The following ERCC1 variants were observed in gnomAD, a reference collection of about 807,000 sequenced individuals.
ERCC1 encodes the protein ERCC excision repair 1, endonuclease non-catalytic subunit, also known as DNA excision repair protein ERCC-1.
Under a neutral mutation model 37.6 loss-of-function variants are expected in ERCC1, and 36 were observed. That is an observed-to-expected ratio of 0.96 (90% CI 0.73 to 1.26). ERCC1 has a LOEUF of 1.26. Among genes scored for constraint, ERCC1 ranks in the 50% most tolerant of loss-of-function variants. The probability of loss-of-function intolerance (pLI) is 0.00; values close to 1 mark genes in which losing one functional copy is unlikely to be tolerated. For synonymous variants in ERCC1, 156 were observed against 162.1 expected, an observed-to-expected ratio of 0.96 and a Z score of 0.28; for missense variants, 349 against 376.5, an observed-to-expected ratio of 0.93 and a Z score of 0.60.
In ERCC1 at chr19:45,409,663, C is replaced by A; in HGVS notation, c.*12G>T. 7.7e-7 allele frequency: 1 copy of A among 1,299,540 alleles called. No homozygotes were observed. Among genetic ancestry groups the A allele is most frequent in the Non-Finnish European group, 1.1e-6 (1 of 893,884 alleles). 80.5% of individuals were successfully genotyped at this position (1,299,540 alleles called of 1,614,324 possible). A position where few individuals can be genotyped will look rare whatever the true frequency, so the allele number is the denominator to read the frequency against. On this transcript the variant is annotated 3_prime_UTR_variant, in exon 10 of 10. Transcript: ENST00000300853. ...ATTATTACACTGGGGGTTTCCTTGG[C>A]AGCTGGGGTCATCAGGGTACTTTCA...
chr19:45,421,300 G>C lies in ERCC1; in HGVS notation c.199C>G (p.Gln67Glu). 6.2e-7 allele frequency: 1 copy of C among 1,614,170 alleles called. No homozygotes were observed. Among genetic ancestry groups the C allele is most frequent in the South Asian group, 1.1e-5 (1 of 91,076 alleles). Reference protein sequence around the residue: ...PQTYAEYAISQPLEGAGATCP... With the variant: ...PQTYAEYAISEPLEGAGATCP... Reference sequence around the variant, plus strand: ...GTGGCCCCAGCCCCTTCCAGAGGCTGTGAGATGGCATATTCGGCGTAGGTC... The same window carrying C: ...GTGGCCCCAGCCCCTTCCAGAGGCTCTGAGATGGCATATTCGGCGTAGGTC... Residue 67 changes from glutamine (Q) to glutamate (E), a missense_variant, in exon 3 of 10, where the codon CAG becomes GAG. Physicochemically the swap from Gln to Glu is conservative, Grantham distance 29. Coordinates refer to ENST00000300853, the MANE Select transcript of ERCC1 (RefSeq NM_001983.4).
chr19:45,440,033 G>C (rs985674393), intron 1 of ERCC1, among the ~76,000 whole-genome samples: 2 of 152,098 alleles, frequency 1.3e-5, no homozygotes, highest in Admixed American at 1.3e-4. Context: ...CGCGCGGGGG[G>C]AGCGGTGCTG....
upstream of ERCC1, among the ~76,000 whole-genome samples, chr19:45,427,844 C>T (rs1378945465): frequency 2.6e-5 from 4 of 152,136 alleles, no homozygotes; most frequent in Non-Finnish European, 4.4e-5. Context: ...CGCCAGAACC[C>T]AGCGGGGGCA....
In ERCC1 at chr19:45,409,216, AG is replaced by A; in HGVS notation, c.*458del. ...TGCCGGATGACCTTGAGCCTCAGGCAGCTCCCACATCCACCAAGAAGAAGAA... is the reference window on the plus strand; with the variant it reads ...TGCCGGATGACCTTGAGCCTCAGGCACTCCCACATCCACCAAGAAGAAGAA... On this transcript the variant is annotated 3_prime_UTR_variant, in exon 10 of 10. Coordinates refer to ENST00000300853, the MANE Select transcript of ERCC1 (RefSeq NM_001983.4). 6.2e-7 allele frequency: 1 copy of A among 1,612,548 alleles called. No homozygotes were observed. The highest frequency in any genetic ancestry group is 8.5e-7 in the Non-Finnish European group (1 of 1,179,216).
chr19:45,411,338 C>T (rs1973724202), intron 9 of ERCC1, among the ~76,000 whole-genome samples: 1 of 95,798 alleles, frequency 1.0e-5, no homozygotes, highest in African/African-American at 1.1e-4. Flanking sequence ...CATGTGGAAC[C>T]TCAACTTTTC....
At chr19:45,438,216 C>T (rs1682702333) in intron 1 of ERCC1, among the ~76,000 whole-genome samples, 1 of 152,042 alleles carries the variant, frequency 6.6e-6, no homozygotes, top group African/African-American at 2.4e-5. Context: ...GGCCTCTCAT[C>T]TGATTTTTTT....
intron 1 of ERCC1, among the ~76,000 whole-genome samples, chr19:45,447,114 G>A (rs1966968111): frequency 6.6e-6 from 1 of 152,186 alleles, no homozygotes. Context: ...TCCCAGCCCA[G>A]CATCTGGCTC....
intron 7 of ERCC1, chr19:45,414,647 G>A (rs989456917): frequency 9.5e-6 from 5 of 523,682 alleles, no homozygotes; most frequent in Admixed American, 3.1e-5. Flanking sequence ...GCTTTCTCTC[G>A]GGGTACTGGG....
intron 1 of ERCC1, among the ~76,000 whole-genome samples, chr19:45,444,823 C>G (rs189523070): frequency 1.2e-4 from 18 of 152,294 alleles, no homozygotes; most frequent in Admixed American, 1.2e-3. Flanking sequence ...CTTTAGTCCT[C>G]AGGACCTTTG....
At chr19:45,410,565 T>TGTGTGTGTGTGTGTGTGTGTG (rs1973661594) in intron 9 of ERCC1, 10 of 140,722 alleles carry the variant, frequency 7.1e-5, no homozygotes, top group African/African-American at 2.5e-4. Flanking sequence ...CATTCTTTCT[T>TGTGTGTGTGTGTGTGTGTGTG]TGTGTGTGTG....
intron 1 of ERCC1, among the ~76,000 whole-genome samples, chr19:45,442,630 G>A (rs1177032152): frequency 2.0e-5 from 3 of 152,266 alleles, no homozygotes; most frequent in Admixed American, 1.3e-4. Context: ...GGTTCTGAAG[G>A]CTTTTCAAAG....
rs374741789 is a variant in ERCC1 at position 45,408,703 on chromosome 19, G to A, written c.*972C>T. 3.0e-5 allele frequency: 48 copies of A among 1,613,812 alleles called. No individual in the cohort carries two copies. Among genetic ancestry groups the A allele is most frequent in the Non-Finnish European group, 3.6e-5 (43 of 1,179,970 alleles). The stretch of plus-strand genomic sequence containing the variant: ...AGACACTGGAGCCTCTGGGAGTGCT[G>A]TTCCCGTCCACCACCAAGAAGAGGA... On this transcript the variant is annotated 3_prime_UTR_variant, in exon 10 of 10. Coordinates refer to ENST00000300853, the MANE Select transcript of ERCC1 (RefSeq NM_001983.4).
upstream of ERCC1, among the ~76,000 whole-genome samples, chr19:45,428,083 C>CTTTTTTTTTTTT (rs5828235): frequency 9.7e-4 from 113 of 115,980 alleles, 4 homozygotes; most frequent in African/African-American, 3.9e-3. Context: ...TTCTTTCTTT[C>CTTTTTTTTTTTT]TTTTTTTTTT....
intron 7 of ERCC1, 53 bp from the exon 8 acceptor site, chr19:45,414,087 G>A: frequency 6.9e-7 from 1 of 1,453,310 alleles, no homozygotes; most frequent in Non-Finnish European, 9.6e-7. Context: ...CAGCAAGACT[G>A]AGCCTAGGAG....
intron 1 of ERCC1, among the ~76,000 whole-genome samples, chr19:45,429,484 G>C (rs781554247): frequency 6.6e-6 from 1 of 151,796 alleles, no homozygotes; most frequent in Non-Finnish European, 1.5e-5. Flanking sequence ...AAGAAGGAAA[G>C]AAAAATAAAG....
Position 45,409,027 on chromosome 19 carries a change from G to A in ERCC1, c.*648C>T. 6.2e-7 allele frequency: 1 copy of A among 1,614,112 alleles called. No homozygotes were observed. Among genetic ancestry groups the A allele is most frequent in the Non-Finnish European group, 8.5e-7 (1 of 1,180,018 alleles). On this transcript the variant is annotated 3_prime_UTR_variant, in exon 10 of 10. Transcript: ENST00000300853. ...AGGCGATGGAGCCAGTGGAGCCGGA[G>A]ATGAAGCCTCTGGAGTCCCCAGGGG...
intron 4 of ERCC1, 121 bp from the exon 5 acceptor site, chr19:45,419,318 AGG>A (rs1185671959): frequency 1.8e-5 from 13 of 735,204 alleles, no homozygotes; most frequent in South Asian, 6.0e-5. Context: ...GAGGGTCCTG[AGG>A]CCCACAGAGG....
At chr19:45,413,015 A>C (rs564720062) in intron 9 of ERCC1, among the ~76,000 whole-genome samples, 1 of 152,300 alleles carries the variant, frequency 6.6e-6, no homozygotes, top group East Asian at 1.9e-4. Flanking sequence ...TGCTGGGATT[A>C]CAGGCCCAAG....
rs1328480603 is a variant in ERCC1, at chr19:45,408,596, G to T, written c.*1079C>A. ...GGCTTTGGGGTCGCCAGAAATGGAT[G>T]TGCGGAAGAAGAAGAAGAAAAAAAA... On this transcript the variant is annotated 3_prime_UTR_variant, in exon 10 of 10. Coordinates refer to ENST00000300853, the MANE Select transcript of ERCC1 (RefSeq NM_001983.4). The T allele has an allele frequency of 1.2e-6, 2 of 1,613,790 alleles. No individual in the cohort carries two copies. The highest frequency in any genetic ancestry group is 2.2e-5 in the South Asian group (2 of 91,064).
Sources: gnomAD v4.1 joint callset for allele counts (sites outside exome capture counted in the v4.1 genomes callset) on GRCh38, gnomAD v4.1.1 for gene constraint, MANE v1.5 for transcripts, NCBI Gene and HGNC (gene_info 2026-07-23, HGNC 2026-07-21) for gene names.